The following FCN3 variants were observed in gnomAD, a reference collection of about 807,000 sequenced individuals.
FCN3 encodes ficolin 3.
FCN3 carries 28 observed loss-of-function variants against 31.5 expected under a neutral mutation model. That is an observed-to-expected ratio of 0.89 (90% CI 0.66 to 1.22). The LOEUF is 1.22. FCN3 is among the 50% of genes most tolerant of loss of function. The probability of loss-of-function intolerance (pLI) is 0.00; values close to 1 mark genes in which losing one functional copy is unlikely to be tolerated. For synonymous variants in FCN3, 124 were observed against 147.4 expected (o/e 0.84, Z 1.15); for missense variants, 351 against 386.8 (o/e 0.91, Z 0.78).
intron 7 of FCN3, 79 bp downstream of exon 7, chr1:27,370,517 C>T: frequency 1.6e-6 from 2 of 1,276,212 alleles, no homozygotes; most frequent in East Asian, 4.6e-5. Flanking sequence ...ACAGGATTGC[C>T]CTGGGTCATT....
At position 27,373,230 on chromosome 1, in the gene FCN3, C is replaced by T; in HGVS notation, c.299G>A (p.Gly100Asp). 2 of 1,614,118 alleles carry T rather than the reference C, an allele frequency of 1.2e-6. No individual in the cohort carries two copies. Among genetic ancestry groups the T allele is most frequent in the Non-Finnish European group, 1.7e-6 (2 of 1,179,998 alleles). Residue 100 changes from glycine to aspartate, a missense_variant, in exon 5 of 8, where the codon GGC (glycine) becomes GAC (aspartate). Coordinates refer to ENST00000270879, the MANE Select transcript of FCN3 (RefSeq NM_003665.4). ...ATGGTACCAGCCGCTCAAGGTGGCG[C>T]CCTGGCTCAACAGCTCCCGGCAGTT... ...PRNCRELLSQ[G>D]ATLSGWYHLC... is the part of the protein sequence containing the mutation.
At chr1:27,373,737 T>C (rs528706809) in intron 3 of FCN3, 21 of 640,766 alleles carry the variant, frequency 3.3e-5, no homozygotes, top group South Asian at 2.6e-4. Flanking sequence ...CTTCATAGGG[T>C]ACCCAGGCCC....
chr1:27,373,584 T>C, intron 3 of FCN3, 64 bp from the exon 4 acceptor site: 1 of 1,555,854 alleles, frequency 6.4e-7, no homozygotes, highest in Non-Finnish European at 8.9e-7. Context: ...GAGCCACCAG[T>C]GGAGCCGGTA....
intron 5 of FCN3, among the ~76,000 whole-genome samples, chr1:27,372,856 C>T (rs2016175398): frequency 6.8e-6 from 1 of 147,950 alleles, no homozygotes; most frequent in African/African-American, 2.5e-5. Context: ...CGGCTCACTG[C>T]AACCTCCACC....
At chr1:27,372,393 G>T (rs148888919) in intron 5 of FCN3, among the ~76,000 whole-genome samples, 50 of 151,950 alleles carry the variant, frequency 3.3e-4, no homozygotes, top group African/African-American at 1.1e-3. Flanking sequence ...GATTACAGGC[G>T]CCCACCATCA....
intron 2 of FCN3, 27 bp from the exon 3 acceptor site, chr1:27,374,036 T>A: frequency 6.2e-7 from 1 of 1,609,584 alleles, no homozygotes; most frequent in Non-Finnish European, 8.5e-7. Flanking sequence ...AGAGATTTCC[T>A]GAGTCCCACC....
Position 27,374,465 on chromosome 1 carries a change from CAG to C in FCN3, c.92-16_92-15del, listed in dbSNP as rs771796495. ...GTTCCCTGGGTCCTACAGGGAGACA[CAG>C]GCAGGGTGGGCACAGGGTAGACTGT... On this transcript the variant is annotated splice_polypyrimidine_tract_variant and intron_variant, in intron 1 of 7. Transcript: ENST00000270879. 6.3e-7 allele frequency: 1 copy of C among 1,581,738 alleles called. No individual in the cohort carries two copies. Among genetic ancestry groups the C allele is most frequent in the South Asian group, 1.1e-5 (1 of 90,378 alleles).
chr1:27,372,161 G>A (rs1043163023), intron 5 of FCN3, among the ~76,000 whole-genome samples: 1 of 151,762 alleles, frequency 6.6e-6, no homozygotes, highest in African/African-American at 2.4e-5. Flanking sequence ...GGTGTAGCCC[G>A]AATCATCTTT....
chr1:27,373,322 A>G, intron 4 of FCN3, 59 bp from the exon 5 acceptor site: 1 of 1,609,520 alleles, frequency 6.2e-7, no homozygotes, highest in Non-Finnish European at 8.5e-7. Flanking sequence ...CCCCACCCCC[A>G]GGCACTGGAA....
chr1:27,372,273 A>C (rs1422966932), intron 5 of FCN3, among the ~76,000 whole-genome samples: 1 of 141,672 alleles, frequency 7.1e-6, no homozygotes, highest in South Asian at 2.3e-4. Context: ...TTTAAGACAG[A>C]GTCTCACTCC....
In FCN3 at chr1:27,374,652, T is replaced by C; in HGVS notation, c.91+76A>G. ...AAACTCCCACCCTGCTCCTTGAGGTTGATGAGCCTTGGTGGGGGGACACCC... is the reference window on the plus strand; with the variant it reads ...AAACTCCCACCCTGCTCCTTGAGGTCGATGAGCCTTGGTGGGGGGACACCC... On this transcript the variant is annotated intron_variant, in intron 1 of 7. Transcript: ENST00000270879. 3 of 920,428 alleles carry C rather than the reference T, an allele frequency of 3.3e-6. No individual in the cohort carries two copies. In the East Asian group the frequency reaches 8.3e-5, roughly 25 times the overall value. The allele number at this position is 920,428 out of a possible 1,614,324, so 57.0% of individuals were successfully genotyped here.
intron 5 of FCN3, among the ~76,000 whole-genome samples, chr1:27,372,125 G>A (rs773815517): frequency 2.0e-5 from 3 of 151,978 alleles, no homozygotes; most frequent in Non-Finnish European, 2.9e-5. Context: ...GCCTCCACTG[G>A]TCCCCCAATG....
At chr1:27,372,471 C>T (rs950205874) in intron 5 of FCN3, among the ~76,000 whole-genome samples, 1 of 152,208 alleles carries the variant, frequency 6.6e-6, no homozygotes, top group African/African-American at 2.4e-5. Flanking sequence ...TGATCTCGAA[C>T]TCTTGACCTC....
chr1:27,369,942 A>T (rs1258961740), intron 7 of FCN3, among the ~76,000 whole-genome samples: 1 of 151,732 alleles, frequency 6.6e-6, no homozygotes, highest in Non-Finnish European at 1.5e-5. Flanking sequence ...AGCAGAGAAC[A>T]CTAACACTCA....
At chr1:27,373,047 T>A in intron 5 of FCN3, 89 bp downstream of exon 5, 4 of 1,474,222 alleles carry the variant, frequency 2.7e-6, no homozygotes, top group Non-Finnish European at 3.7e-6. Flanking sequence ...AGGAAATGCC[T>A]TGCTCTGGTG....
chr1:27,373,660 T>C (rs2016193518), intron 3 of FCN3, 140 bp from the exon 4 acceptor site: 1 of 871,382 alleles, frequency 1.1e-6, no homozygotes, highest in Non-Finnish European at 1.8e-6. Context: ...AGGGCCATCA[T>C]AGGGTACCCA....
At chr1:27,373,082 G>C in intron 5 of FCN3, 54 bp downstream of exon 5, 1 of 1,591,508 alleles carries the variant, frequency 6.3e-7, no homozygotes, top group Non-Finnish European at 8.6e-7. Flanking sequence ...TAGGGGCCAA[G>C]GGGGAGAAGT....
Position 27,369,229 on chromosome 1 carries a change from G to C in FCN3, c.*7C>G, listed in dbSNP as rs1424794119. On this transcript the variant is annotated 3_prime_UTR_variant, in exon 8 of 8. Coordinates refer to ENST00000270879, the MANE Select transcript of FCN3 (RefSeq NM_003665.4). ...GGAGAGATAAGGGCACTGGCTGCCA[G>C]AGTGCCCTATCGAAGCATCATCCGA... 1 of 1,613,942 alleles carries C rather than the reference G, an allele frequency of 6.2e-7. No homozygotes were observed. Among genetic ancestry groups the C allele is most frequent in the Non-Finnish European group, 8.5e-7 (1 of 1,179,842 alleles).
At chr1:27,373,068 C>A in intron 5 of FCN3, 68 bp downstream of exon 5, 1 of 1,570,518 alleles carries the variant, frequency 6.4e-7, no homozygotes, top group Non-Finnish European at 8.7e-7. Context: ...GGTTCTGGCT[C>A]CCCTAGGGGC....
Sources: allele counts gnomAD v4.1 joint callset (sites outside exome capture counted in the v4.1 genomes callset), GRCh38; gene constraint gnomAD v4.1.1; transcripts MANE v1.5; gene names NCBI Gene and HGNC (gene_info 2026-07-23, HGNC 2026-07-21).